The following GPSM2 variants were observed in gnomAD, a reference collection of about 807,000 sequenced individuals.
GPSM2 encodes G protein-signaling modulator 2.
In GPSM2, 58 loss-of-function variants were observed where a neutral mutation model predicts 78.4. The observed-to-expected ratio is 0.74, with a 90% confidence interval of 0.60 to 0.92. GPSM2 has a LOEUF of 0.92. Among genes scored for constraint, GPSM2 ranks in the 40% least tolerant of loss-of-function variants. The probability of loss-of-function intolerance (pLI) is 0.00; values close to 1 mark genes in which losing one functional copy is unlikely to be tolerated. For synonymous variants in GPSM2, 224 were observed against 280.2 expected (o/e 0.80, Z 2.00); for missense variants, 700 against 815.5 (o/e 0.86, Z 1.73).
Position 108,927,964 on chromosome 1 carries a change from A to T in GPSM2, c.1816-1737A>T, listed in dbSNP as rs532160221. On this transcript the variant is annotated intron_variant, in intron 14 of 14. Transcript: ENST00000264126. ...GGCCACAGAGTGAGACCCTGTCTCT[A>T]AAGGGAAAAAAAAGGAAAGCCTCAT... 1.4e-4 allele frequency among the ~76,000 whole-genome samples: 22 copies of T among 152,254 alleles called. No homozygotes were observed. The South Asian group carries it at 4.6e-3, about 32-fold the overall frequency.
chr1:108,898,223 AATC>A, intron 5 of GPSM2, 122 bp downstream of exon 5: 1 of 918,664 alleles, frequency 1.1e-6, no homozygotes, highest in South Asian at 1.4e-5. Flanking sequence ...GAACTAGCAA[AATC>A]ATCAATTCAG....
chr1:108,918,931 T>C (rs926820484), intron 12 of GPSM2, 142 bp downstream of exon 12: 2 of 663,872 alleles, frequency 3.0e-6, no homozygotes, highest in Non-Finnish European at 5.3e-6. Flanking sequence ...ATCTTTTCTA[T>C]CTTCTTCAAA....
At chr1:108,907,515 T>A (rs1198919263) in intron 10 of GPSM2, among the ~76,000 whole-genome samples, 1 of 152,042 alleles carries the variant, frequency 6.6e-6, no homozygotes, top group Non-Finnish European at 1.5e-5. Context: ...ATAACAAAAT[T>A]AGGTCATCAA....
intron 2 of GPSM2, among the ~76,000 whole-genome samples, chr1:108,894,580 C>T (rs777343895): frequency 5.3e-5 from 8 of 152,086 alleles, no homozygotes; most frequent in Non-Finnish European, 7.4e-5. Context: ...TGACTGTAAT[C>T]CCAGCTGCTC....
chr1:108,888,592 A>G (rs943634990), intron 2 of GPSM2, among the ~76,000 whole-genome samples: 15 of 152,050 alleles, frequency 9.9e-5, no homozygotes, highest in African/African-American at 3.6e-4. Flanking sequence ...CACCTACCTC[A>G]GCCTCCTCAA....
intron 12 of GPSM2, among the ~76,000 whole-genome samples, chr1:108,919,696 C>A (rs184445005): frequency 3.3e-5 from 5 of 151,802 alleles, no homozygotes; most frequent in Admixed American, 2.6e-4. Context: ...CAGAGCAAGA[C>A]CCTGTCTCAA....
intron 2 of GPSM2, among the ~76,000 whole-genome samples, chr1:108,892,256 T>C (rs983186112): frequency 3.9e-5 from 6 of 152,206 alleles, no homozygotes; most frequent in Admixed American, 2.0e-4. Context: ...ATTGATGTTA[T>C]TAAGTCTTTT....
intron 10 of GPSM2, among the ~76,000 whole-genome samples, chr1:108,904,599 CA>C (rs1468662254): frequency 6.6e-6 from 1 of 151,538 alleles, no homozygotes; most frequent in Admixed American, 6.6e-5. Flanking sequence ...GTGAAGGTGC[CA>C]AAATTTTAAA....
chr1:108,906,262 A>G (rs1649211175), intron 10 of GPSM2, among the ~76,000 whole-genome samples: 1 of 151,958 alleles, frequency 6.6e-6, no homozygotes, highest in African/African-American at 2.4e-5. Flanking sequence ...TTTATTTTTA[A>G]AGACAGAATC....
intron 1 of GPSM2, among the ~76,000 whole-genome samples, chr1:108,884,158 G>C (rs1193310449): frequency 2.0e-5 from 3 of 152,084 alleles, no homozygotes; most frequent in African/African-American, 7.2e-5. Flanking sequence ...GGCTAGGCTG[G>C]TCTTGAACTC....
At chr1:108,921,065 C>A (rs1023906235) in intron 12 of GPSM2, among the ~76,000 whole-genome samples, 4 of 152,158 alleles carry the variant, frequency 2.6e-5, no homozygotes, top group African/African-American at 9.7e-5. Flanking sequence ...AAGCCAGGAA[C>A]CCCGGTGTCA....
chr1:108,924,289 A>C, intron 14 of GPSM2, 75 bp downstream of exon 14: 2 of 911,922 alleles, frequency 2.2e-6, no homozygotes, highest in African/African-American at 1.6e-5. Flanking sequence ...TATAATTCTC[A>C]TTCAGGAAGG....
At chr1:108,921,661 G>A (rs942236759) in intron 12 of GPSM2, among the ~76,000 whole-genome samples, 10 of 152,012 alleles carry the variant, frequency 6.6e-5, no homozygotes, top group African/African-American at 2.4e-4. Context: ...ATAATCAGTT[G>A]AATACTAAAA....
At chr1:108,919,223 G>A (rs1435044939) in intron 12 of GPSM2, among the ~76,000 whole-genome samples, 1 of 152,132 alleles carries the variant, frequency 6.6e-6, no homozygotes, top group South Asian at 2.1e-4. Context: ...GGCCAGGCTG[G>A]TGTCAAACTC....
At chr1:108,904,093 A>G (rs748925914) in intron 9 of GPSM2, 32 bp from the exon 10 acceptor site, 1 of 1,488,072 alleles carries the variant, frequency 6.7e-7, no homozygotes, top group South Asian at 1.1e-5. Context: ...CTCTTTAAAT[A>G]CTACTCTAAA....
intron 1 of GPSM2, among the ~76,000 whole-genome samples, chr1:108,880,635 T>C (rs887148890): frequency 6.6e-6 from 1 of 152,156 alleles, no homozygotes; most frequent in Non-Finnish European, 1.5e-5. Context: ...TATTTCACTA[T>C]TGAGCTTTAA....
rs55909258 is a variant in GPSM2, at chr1:108,917,611, C to CATATATATAT, written c.1264-956_1264-947dup. On this transcript the variant is annotated intron_variant, in intron 11 of 14. Coordinates refer to ENST00000264126, the MANE Select transcript of GPSM2 (RefSeq NM_013296.5). ...ACAAATGTATACACACACACACACA[C>CATATATATAT]ATATATATATATATATATATATATA... Among the ~76,000 whole-genome samples the CATATATATAT allele has an allele frequency of 9.4e-3, 211 of 22,370 alleles. 16 individuals carry two copies. The highest frequency in any genetic ancestry group is 0.012 in the Non-Finnish European group (146 of 12,532). 14.7% of individuals were successfully genotyped at this position (22,370 alleles called of 152,430 possible).
chr1:108,928,779 A>C (rs1651381987), intron 14 of GPSM2, among the ~76,000 whole-genome samples: 1 of 152,174 alleles, frequency 6.6e-6, no homozygotes. Context: ...ACTTGAGGTC[A>C]AGAGTTCGAG....
intron 10 of GPSM2, among the ~76,000 whole-genome samples, chr1:108,905,469 T>TAA (rs933346336): frequency 6.6e-6 from 1 of 152,208 alleles, no homozygotes. Flanking sequence ...CATGTCAGCT[T>TAA]ACTTGATTTT....
Sources: allele counts gnomAD v4.1 joint callset (sites outside exome capture counted in the v4.1 genomes callset), GRCh38; gene constraint gnomAD v4.1.1; transcripts MANE v1.5; gene names NCBI Gene and HGNC (gene_info 2026-07-23, HGNC 2026-07-21).